CTNNA2: variants seen among roughly 807,000 people sequenced by gnomAD.
CTNNA2 encodes the protein catenin alpha-2.
A neutral mutation model predicts 101.0 loss-of-function variants in CTNNA2; 42 were observed. The ratio of observed to expected loss-of-function variants is 0.42; its 90% CI spans 0.32 to 0.54. The LOEUF is 0.54. CTNNA2 is among the 20% of genes least tolerant of loss of function. The probability of loss-of-function intolerance (pLI) is 0.14; values close to 1 mark genes in which losing one functional copy is unlikely to be tolerated. For missense variants in CTNNA2, 871 were observed against 1,223.1 expected (o/e 0.71, Z 4.29); for synonymous variants, 450 against 456.4 (o/e 0.99, Z 0.18).
At chr2:79,262,056 A>G (rs1379342136) in intron 2 of CTNNA2, among the ~76,000 whole-genome samples, 1 of 152,186 alleles carries the variant, frequency 6.6e-6, no homozygotes, top group African/African-American at 2.4e-5. Flanking sequence ...TCTCCTGTGT[A>G]AGATTAGCCA....
At chr2:79,653,743 C>G (rs1681419801) in intron 2 of CTNNA2, among the ~76,000 whole-genome samples, 1 of 152,142 alleles carries the variant, frequency 6.6e-6, no homozygotes, top group African/African-American at 2.4e-5. Flanking sequence ...TCCCTTTATT[C>G]ATCTTTTTCC....
At chr2:79,616,413 G>A (rs548967431) in intron 1 of CTNNA2, among the ~76,000 whole-genome samples, 4 of 152,132 alleles carry the variant, frequency 2.6e-5, no homozygotes, top group African/African-American at 9.6e-5. Flanking sequence ...CACTATTTAC[G>A]GTAGAGAAAT....
chr2:80,582,649 T>G (rs2149720754), intron 14 of CTNNA2, among the ~76,000 whole-genome samples: 1 of 152,226 alleles, frequency 6.6e-6, no homozygotes, highest in Admixed American at 6.6e-5. Context: ...GATGAAATTT[T>G]CCTCCCCTTA....
Position 79,784,238 on chromosome 2 carries a change from C to T in CTNNA2, c.298+39656C>T, listed in dbSNP as rs544129147. Among the ~76,000 whole-genome samples the T allele has an allele frequency of 1.2e-4, 19 of 152,114 alleles. No individual in the cohort carries two copies. In the South Asian group the frequency reaches 3.3e-3, roughly 27 times the overall value. ...CTACTATTTCTTAATATTCCACAGG[C>T]TTATTGTTGGTTAAAGACCTGCATA... On this transcript the variant is annotated intron_variant, in intron 3 of 18. Coordinates refer to ENST00000402739, the MANE Select transcript of CTNNA2 (RefSeq NM_001282597.3).
At chr2:80,195,758 A>G (rs1706791947) in intron 7 of CTNNA2, among the ~76,000 whole-genome samples, 2 of 152,172 alleles carry the variant, frequency 1.3e-5, no homozygotes, top group African/African-American at 4.8e-5. Flanking sequence ...ATGACATGAA[A>G]GACATTGCTC....
At chr2:80,620,358 A>G (rs1438931734) in intron 18 of CTNNA2, among the ~76,000 whole-genome samples, 17 of 151,762 alleles carry the variant, frequency 1.1e-4, no homozygotes, top group African/African-American at 3.9e-4. Flanking sequence ...TGTCTCATCA[A>G]CGGCTTCTTT....
chr2:79,768,984 A>C (rs1328549384), intron 3 of CTNNA2, among the ~76,000 whole-genome samples: 1 of 152,078 alleles, frequency 6.6e-6, no homozygotes, highest in Non-Finnish European at 1.5e-5. Flanking sequence ...CCTCCTGAGT[A>C]GCTGGGACTA....
At chr2:79,718,836 T>G (rs1325335364) in intron 2 of CTNNA2, among the ~76,000 whole-genome samples, 2 of 151,894 alleles carry the variant, frequency 1.3e-5, no homozygotes, top group Non-Finnish European at 2.9e-5. Flanking sequence ...TTTTTTTTTT[T>G]TGTGGTGGTG....
At chr2:80,129,052 C>G (rs1702279315) in intron 7 of CTNNA2, among the ~76,000 whole-genome samples, 1 of 152,104 alleles carries the variant, frequency 6.6e-6, no homozygotes, top group Non-Finnish European at 1.5e-5. Context: ...TCAGTTCATG[C>G]CAAGATATGA....
chr2:79,828,744 T>A (rs900150150), intron 3 of CTNNA2, among the ~76,000 whole-genome samples: 4 of 152,240 alleles, frequency 2.6e-5, no homozygotes, highest in Admixed American at 2.6e-4. Context: ...TTTCAATGCA[T>A]GCTTCTTCAA....
chr2:80,179,522 C>T lies in CTNNA2; in HGVS notation c.1057-213689C>T, dbSNP rs554331665. Among the ~76,000 whole-genome samples, 34 of 152,192 alleles carry T rather than the reference C, an allele frequency of 2.2e-4. 1 individual carries two copies. The highest frequency in any genetic ancestry group is 1.2e-3 in the Admixed American group (19 of 15,282). On this transcript the variant is annotated intron_variant, in intron 7 of 18. Coordinates refer to ENST00000402739, the MANE Select transcript of CTNNA2 (RefSeq NM_001282597.3). ...CCGAATAGCTGGGACTACAGGCACC[C>T]GCCACCACACCGGGCTAATTTTTTG...
chr2:80,193,581 G>A (rs1182557575), intron 7 of CTNNA2, among the ~76,000 whole-genome samples: 1 of 152,190 alleles, frequency 6.6e-6, no homozygotes, highest in East Asian at 1.9e-4. Flanking sequence ...TAGATTTTCT[G>A]TCTGTAAATC....
At chr2:80,238,506 G>A (rs964537940) in intron 7 of CTNNA2, among the ~76,000 whole-genome samples, 2 of 152,148 alleles carry the variant, frequency 1.3e-5, no homozygotes, top group Non-Finnish European at 2.9e-5. Flanking sequence ...GGAGAAGTAC[G>A]GAGGATGTTA....
intron 7 of CTNNA2, among the ~76,000 whole-genome samples, chr2:80,090,880 A>AT (rs918563333): frequency 5.3e-5 from 8 of 151,948 alleles, no homozygotes; most frequent in South Asian, 2.1e-4. Flanking sequence ...GCTCTTTCTC[A>AT]TTTTTTTTAC....
At chr2:80,079,830 A>AATAAAATAAT (rs1699011334) in intron 7 of CTNNA2, among the ~76,000 whole-genome samples, 1 of 76,282 alleles carries the variant, frequency 1.3e-5, no homozygotes, top group Non-Finnish European at 2.3e-5. Flanking sequence ...AAATAAAATA[A>AATAAAATAAT]ATAAAATAAA....
chr2:79,688,791 T>A (rs1305272605), intron 2 of CTNNA2, among the ~76,000 whole-genome samples: 1 of 151,996 alleles, frequency 6.6e-6, no homozygotes, highest in Admixed American at 6.6e-5. Flanking sequence ...GGGACAGAAA[T>A]TGAAGAACAA....
chr2:80,200,463 G>A (rs1707127933), intron 7 of CTNNA2, among the ~76,000 whole-genome samples: 1 of 152,120 alleles, frequency 6.6e-6, no homozygotes, highest in South Asian at 2.1e-4. Flanking sequence ...TGAGAATAGT[G>A]TGTATATGTA....
chr2:80,342,293 A>G (rs1304982732), intron 7 of CTNNA2, among the ~76,000 whole-genome samples: 2 of 152,336 alleles, frequency 1.3e-5, no homozygotes, highest in African/African-American at 2.4e-5. Flanking sequence ...AAATCAGCAA[A>G]TAGTATCACC....
intron 2 of CTNNA2, among the ~76,000 whole-genome samples, chr2:79,274,630 C>CACAT (rs1406070408): frequency 6.6e-6 from 1 of 151,842 alleles, no homozygotes; most frequent in Non-Finnish European, 1.5e-5. Context: ...AAACAATATA[C>CACAT]ACATAGCTTT....
Sources: gnomAD v4.1 joint callset for allele counts (sites outside exome capture counted in the v4.1 genomes callset) on GRCh38, gnomAD v4.1.1 for gene constraint, MANE v1.5 for transcripts, NCBI Gene and HGNC (gene_info 2026-07-23, HGNC 2026-07-21) for gene names.